The following LRP1B variants were observed in gnomAD, a reference collection of about 807,000 sequenced individuals.
LRP1B encodes the protein low-density lipoprotein receptor-related protein 1B.
In LRP1B, 217 loss-of-function variants were observed where a neutral mutation model predicts 556.6. The observed-to-expected ratio is 0.39, with a 90% confidence interval of 0.35 to 0.44. LRP1B has a LOEUF of 0.44. Ranked by LOEUF, LRP1B falls within the 20% of genes least tolerant of loss-of-function variation. The pLI is 1.00. For synonymous variants in LRP1B, 2,047 were observed against 1,865.8 expected, an observed-to-expected ratio of 1.10 and a Z score of -2.50; for missense variants, 5,053 against 5,620.8, an observed-to-expected ratio of 0.90 and a Z score of 3.23.
At chr2:140,277,100 T>A (rs1030571862) in intron 84 of LRP1B, among the ~76,000 whole-genome samples, 28 of 151,542 alleles carry the variant, frequency 1.8e-4, no homozygotes, top group Admixed American at 1.1e-3. Flanking sequence ...TTTTTATAAC[T>A]ATACCCCTGA....
At chr2:140,794,373 C>T (rs886307464) in intron 32 of LRP1B, among the ~76,000 whole-genome samples, 5 of 151,786 alleles carry the variant, frequency 3.3e-5, no homozygotes, top group African/African-American at 2.4e-5. Flanking sequence ...AAACGGAATT[C>T]TTCATAAAAC....
At chr2:140,539,651 T>C (rs984765942) in intron 45 of LRP1B, among the ~76,000 whole-genome samples, 6 of 152,074 alleles carry the variant, frequency 3.9e-5, no homozygotes, top group Non-Finnish European at 8.8e-5. Flanking sequence ...AAGTGACCTG[T>C]GAAAGAAACA....
chr2:140,246,222 C>T (rs1681154210), intron 87 of LRP1B, among the ~76,000 whole-genome samples: 1 of 151,220 alleles, frequency 6.6e-6, no homozygotes, highest in African/African-American at 2.4e-5. Context: ...TTTATGAAAT[C>T]CTTGTCACCA....
At chr2:141,768,532 A>T (rs150310660) in intron 2 of LRP1B, among the ~76,000 whole-genome samples, 1 of 152,126 alleles carries the variant, frequency 6.6e-6, no homozygotes, top group Non-Finnish European at 1.5e-5. Context: ...AAATAAGGAG[A>T]ATTTAAATTA....
At chr2:140,739,579 C>T (rs537715431) in intron 35 of LRP1B, among the ~76,000 whole-genome samples, 10 of 152,250 alleles carry the variant, frequency 6.6e-5, no homozygotes, top group African/African-American at 2.4e-4. Context: ...ATACCACATA[C>T]TGAGTTTCTT....
At chr2:141,241,839 G>A (rs1042319734) in intron 5 of LRP1B, among the ~76,000 whole-genome samples, 1 of 151,600 alleles carries the variant, frequency 6.6e-6, no homozygotes, top group African/African-American at 2.4e-5. Flanking sequence ...TAGCCAATAG[G>A]TCTCACGCAC....
rs763232045 is a variant in LRP1B, at chr2:140,716,673, G to A, written c.5893+9C>T. The A allele has an allele frequency of 1.9e-6, 3 of 1,596,410 alleles. No individual in the cohort carries two copies. Among genetic ancestry groups the A allele is most frequent in the East Asian group, 2.3e-5 (1 of 44,308 alleles). On this transcript the variant is annotated intron_variant, in intron 36 of 90. Transcript: ENST00000389484. Reference sequence around the variant, plus strand: ...GTGAAACAGAAAGATAAAAAGCCATGGATTATACCAGCAATCCAGTCAACA... The same window carrying A: ...GTGAAACAGAAAGATAAAAAGCCATAGATTATACCAGCAATCCAGTCAACA...
intron 2 of LRP1B, among the ~76,000 whole-genome samples, chr2:141,567,497 A>G (rs901001329): frequency 1.2e-4 from 19 of 152,136 alleles, no homozygotes; most frequent in Non-Finnish European, 7.4e-5. Flanking sequence ...TCCTAATGAC[A>G]TCTTAAAGCA....
intron 2 of LRP1B, among the ~76,000 whole-genome samples, chr2:141,755,912 A>G (rs765254211): frequency 3.9e-5 from 6 of 152,068 alleles, no homozygotes; most frequent in Non-Finnish European, 7.4e-5. Flanking sequence ...AAAAAGGTAA[A>G]TACAGCATAT....
At chr2:141,650,824 A>G (rs1025975653) in intron 2 of LRP1B, among the ~76,000 whole-genome samples, 1 of 152,186 alleles carries the variant, frequency 6.6e-6, no homozygotes, top group African/African-American at 2.4e-5. Context: ...CTGTTTTCCC[A>G]CTAATCCCGA....
intron 37 of LRP1B, among the ~76,000 whole-genome samples, chr2:140,706,299 A>C: frequency 6.6e-6 from 1 of 152,156 alleles, no homozygotes; most frequent in East Asian, 1.9e-4. Context: ...GATATAGCCA[A>C]GAAAAACTGA....
chr2:140,850,028 A>G (rs535644173), intron 29 of LRP1B, 74 bp downstream of exon 29: 5 of 940,358 alleles, frequency 5.3e-6, no homozygotes, highest in Non-Finnish European at 8.2e-6. Context: ...AAGAGAAAGA[A>G]TATAAAAGAT....
At chr2:141,919,766 T>C (rs182359634) in intron 1 of LRP1B, among the ~76,000 whole-genome samples, 184 of 152,158 alleles carry the variant, frequency 1.2e-3, no homozygotes, top group African/African-American at 4.1e-3. Context: ...TACGTAACAT[T>C]TGAATACCTT....
At chr2:141,526,554 G>A (rs1164108348) in intron 2 of LRP1B, among the ~76,000 whole-genome samples, 1 of 151,906 alleles carries the variant, frequency 6.6e-6, no homozygotes, top group Non-Finnish European at 1.5e-5. Context: ...AGAGTGGGTG[G>A]AATTTGAAGT....
chr2:141,500,873 T>G (rs1323687428), intron 2 of LRP1B, among the ~76,000 whole-genome samples: 1 of 152,124 alleles, frequency 6.6e-6, no homozygotes, highest in East Asian at 1.9e-4. Flanking sequence ...ATAAACAAGA[T>G]CATTGCCACA....
chr2:140,679,428 T>A (rs963616455), intron 41 of LRP1B, among the ~76,000 whole-genome samples: 2 of 152,226 alleles, frequency 1.3e-5, no homozygotes, highest in Non-Finnish European at 2.9e-5. Flanking sequence ...TTCCTCTTCT[T>A]AACATCTTTA....
chr2:140,684,754 T>C (rs1255230415), intron 41 of LRP1B, among the ~76,000 whole-genome samples: 1 of 152,222 alleles, frequency 6.6e-6, no homozygotes, highest in Non-Finnish European at 1.5e-5. Flanking sequence ...CATCCCTTTT[T>C]ATATTTTTAG....
intron 6 of LRP1B, among the ~76,000 whole-genome samples, chr2:141,189,821 T>C (rs976567931): frequency 3.3e-5 from 5 of 151,930 alleles, no homozygotes; most frequent in African/African-American, 9.7e-5. Context: ...GAAAAAGGTA[T>C]CCCAAAATAT....
Position 141,096,621 on chromosome 2 carries a change from GGAGAGGGGGAGAGAGAGAGA to G in LRP1B, c.1014-34368_1014-34349del, listed in dbSNP as rs1423858538. Among the ~76,000 whole-genome samples the G allele has an allele frequency of 6.8e-4, 27 of 39,930 alleles. 1 individual carries two copies. The highest frequency in any genetic ancestry group is 2.3e-3 in the African/African-American group (24 of 10,666). 26.2% of individuals were successfully genotyped at this position (39,930 alleles called of 152,430 possible). The stretch of plus-strand genomic sequence containing the variant: ...ACCCTAGCCTGAATGACAAAGACGG[GGAGAGGGGGAGAGAGAGAGA>G]GAGAGAGAGAGAGAGAGAGAGAGAG... On this transcript the variant is annotated intron_variant, in intron 7 of 90. Transcript: ENST00000389484.
Sources: gnomAD v4.1 joint callset for allele counts (sites outside exome capture counted in the v4.1 genomes callset) on GRCh38, gnomAD v4.1.1 for gene constraint, MANE v1.5 for transcripts, NCBI Gene and HGNC (gene_info 2026-07-23, HGNC 2026-07-21) for gene names.